TIAM1: variants seen among roughly 807,000 people sequenced by gnomAD.
The protein encoded by TIAM1 is rho guanine nucleotide exchange factor TIAM1.
TIAM1 carries 65 observed loss-of-function variants against 163.5 expected under a neutral mutation model. That is an observed-to-expected ratio of 0.40 (90% CI 0.33 to 0.49). The LOEUF is 0.49. Among genes scored for constraint, TIAM1 ranks in the 20% least tolerant of loss-of-function variants. The pLI, the probability that TIAM1 is intolerant of heterozygous loss-of-function variation, is 0.77. For synonymous variants in TIAM1, 833 were observed against 810.1 expected, an observed-to-expected ratio of 1.03 and a Z score of -0.48; for missense variants, 1,789 against 2,044.7, an observed-to-expected ratio of 0.87 and a Z score of 2.41.
chr21:31,159,150 A>G (rs1202406412), intron 16 of TIAM1, among the ~76,000 whole-genome samples: 1 of 152,140 alleles, frequency 6.6e-6, no homozygotes, highest in East Asian at 1.9e-4. Flanking sequence ...AAGTACTTAC[A>G]GGCATTTTGA....
At chr21:31,226,927 T>C (rs1018885438) in intron 6 of TIAM1, among the ~76,000 whole-genome samples, 1 of 151,462 alleles carries the variant, frequency 6.6e-6, no homozygotes, top group African/African-American at 2.4e-5. Flanking sequence ...CTAATTTGAG[T>C]GATGGCTTGT....
intron 13 of TIAM1, among the ~76,000 whole-genome samples, chr21:31,191,741 G>T (rs1227118236): frequency 6.6e-6 from 1 of 152,118 alleles, no homozygotes; most frequent in African/African-American, 2.4e-5. Flanking sequence ...ACCCTCCTCA[G>T]GGGGTAAAAG....
chr21:31,475,451 T>C (rs2045908906), intron 1 of TIAM1, among the ~76,000 whole-genome samples: 2 of 152,126 alleles, frequency 1.3e-5, no homozygotes, highest in Non-Finnish European at 2.9e-5. Context: ...CTGGAATTGT[T>C]GTAAGAAATG....
At chr21:31,187,232 G>A in intron 13 of TIAM1, 145 bp from the exon 14 acceptor site, 1 of 713,034 alleles carries the variant, frequency 1.4e-6, no homozygotes, top group Non-Finnish European at 2.3e-6. Context: ...TTACATAGCA[G>A]AAAAGTGTAT....
chr21:31,270,051 A>G (rs1024463815), intron 3 of TIAM1, among the ~76,000 whole-genome samples: 17 of 152,134 alleles, frequency 1.1e-4, no homozygotes, highest in African/African-American at 4.1e-4. Flanking sequence ...TTCCTATTCA[A>G]TCTTACTTAA....
intron 1 of TIAM1, among the ~76,000 whole-genome samples, chr21:31,484,584 C>T (rs1331978575): frequency 6.6e-6 from 1 of 152,188 alleles, no homozygotes; most frequent in Non-Finnish European, 1.5e-5. Context: ...GTTTCAAATC[C>T]TTTAGTAGTA....
intron 1 of TIAM1, among the ~76,000 whole-genome samples, chr21:31,342,621 G>T (rs1253549360): frequency 6.6e-6 from 1 of 152,156 alleles, no homozygotes; most frequent in African/African-American, 2.4e-5. Context: ...CTTTCCTGTT[G>T]AGTGAGTTAC....
intron 1 of TIAM1, among the ~76,000 whole-genome samples, chr21:31,491,416 CAT>C (rs2147421581): frequency 6.6e-6 from 1 of 152,288 alleles, no homozygotes; most frequent in South Asian, 2.1e-4. Flanking sequence ...ATCTTACAAA[CAT>C]ATTAAAGCCA....
chr21:31,352,032 T>C (rs1602072515), intron 2 of TIAM1, among the ~76,000 whole-genome samples: 1 of 150,848 alleles, frequency 6.6e-6, no homozygotes, highest in Non-Finnish European at 1.5e-5. Flanking sequence ...CACACCACTG[T>C]ACTCCAACCT....
chr21:31,124,370 C>T (rs2082107283), intron 27 of TIAM1, 152 bp downstream of exon 27: 1 of 1,128,868 alleles, frequency 8.9e-7, no homozygotes, highest in South Asian at 2.2e-5. Flanking sequence ...GAGGCAAGGG[C>T]AAGGAACCTC....
chr21:31,178,617 T>C (rs115804806), intron 15 of TIAM1, among the ~76,000 whole-genome samples: 4,862 of 152,144 alleles, frequency 0.032, 278 homozygotes, highest in African/African-American at 0.11. Flanking sequence ...GGAATTCTTC[T>C]GAAATTTACT....
intron 8 of TIAM1, among the ~76,000 whole-genome samples, chr21:31,219,749 C>CAAAACA (rs906988498): frequency 3.3e-5 from 5 of 149,858 alleles, no homozygotes; most frequent in African/African-American, 1.2e-4. Flanking sequence ...CAAAACAAAA[C>CAAAACA]AAAAAAAAAC....
intron 1 of TIAM1, among the ~76,000 whole-genome samples, chr21:31,469,276 G>T (rs2045651518): frequency 6.6e-6 from 1 of 151,366 alleles, no homozygotes; most frequent in African/African-American, 2.4e-5. Flanking sequence ...AGCAGCAGGG[G>T]GGTTGGTAGA....
intron 1 of TIAM1, among the ~76,000 whole-genome samples, chr21:31,548,267 C>T (rs1331809187): frequency 6.7e-6 from 1 of 149,544 alleles, no homozygotes; most frequent in Non-Finnish European, 1.5e-5. Flanking sequence ...TCAGTCTCCT[C>T]AGTAGCTGAG....
chr21:31,187,077 A>G lies in TIAM1; in HGVS notation c.2586T>C (p.Leu862=). 6.2e-7 allele frequency: 1 copy of G among 1,614,094 alleles called. No individual in the cohort carries two copies. Among genetic ancestry groups the G allele is most frequent in the Non-Finnish European group, 8.5e-7 (1 of 1,179,964 alleles). Residue 862 remains leucine (L), a synonymous_variant, in exon 14 of 28, where the codon CTT becomes CTC. Transcript: ENST00000541036. ...DTAADTYGFS[L]SSVEEDGIRR... The stretch of plus-strand genomic sequence containing the variant: ...GAATACCATCTTCTTCCACAGAAGA[A>G]AGTGAAAACCCTGTGAAACACAAAA...
chr21:31,389,389 A>G (rs1248258837), intron 2 of TIAM1, among the ~76,000 whole-genome samples: 1 of 152,068 alleles, frequency 6.6e-6, no homozygotes, highest in Non-Finnish European at 1.5e-5. Context: ...TAGTATTTTT[A>G]GTAGAGACAG....
chr21:31,277,190 G>T (rs927951705), intron 2 of TIAM1, among the ~76,000 whole-genome samples: 4 of 152,196 alleles, frequency 2.6e-5, no homozygotes, highest in Non-Finnish European at 5.9e-5. Context: ...TAAAGACTTT[G>T]CTGATAAAAC....
intron 2 of TIAM1, among the ~76,000 whole-genome samples, chr21:31,450,578 G>A (rs1441766368): frequency 6.6e-6 from 1 of 152,158 alleles, no homozygotes; most frequent in Non-Finnish European, 1.5e-5. Context: ...GGGACAGGGG[G>A]ACTCTCTTCC....
intron 1 of TIAM1, among the ~76,000 whole-genome samples, chr21:31,510,377 C>T (rs1283337617): frequency 6.6e-6 from 1 of 152,178 alleles, no homozygotes; most frequent in Non-Finnish European, 1.5e-5. Context: ...TTAGAGCCCA[C>T]CCTAAGGACC....
Sources: gnomAD v4.1 joint callset for allele counts (sites outside exome capture counted in the v4.1 genomes callset) on GRCh38, gnomAD v4.1.1 for gene constraint, MANE v1.5 for transcripts, NCBI Gene and HGNC (gene_info 2026-07-23, HGNC 2026-07-21) for gene names.